APIP: variants seen among roughly 807,000 people sequenced by gnomAD.
APIP encodes APAF1 interacting protein, also known as methylthioribulose-1-phosphate dehydratase.
A neutral mutation model predicts 32.0 loss-of-function variants in APIP; 32 were observed. The observed-to-expected ratio is 1.00, with a 90% CI of 0.76 to 1.34. The LOEUF is 1.34. Ranked by LOEUF, APIP falls within the 40% of genes most tolerant of loss-of-function variation. The pLI is 0.00. For synonymous variants in APIP, 92 were observed against 94.8 expected, an observed-to-expected ratio of 0.97 and a Z score of 0.17; for missense variants, 247 against 298.6, an observed-to-expected ratio of 0.83 and a Z score of 1.27.
chr11:34,892,379 A>G (rs1853198358), intron 2 of APIP, among the ~76,000 whole-genome samples: 1 of 152,180 alleles, frequency 6.6e-6, no homozygotes, highest in African/African-American at 2.4e-5. Flanking sequence ...CCAAACCCCA[A>G]GAGGTCAAAA....
intron 1 of APIP, chr11:34,915,978 T>G (rs1853671806): frequency 1.7e-6 from 1 of 581,402 alleles, no homozygotes; most frequent in South Asian, 2.1e-5. Context: ...AGTTATTTGC[T>G]TCTTTCCAAC....
At chr11:34,913,699 T>A (rs1255688778) in intron 1 of APIP, among the ~76,000 whole-genome samples, 1 of 152,238 alleles carries the variant, frequency 6.6e-6, no homozygotes, top group Non-Finnish European at 1.5e-5. Flanking sequence ...GGGTTGCCGC[T>A]GCTGGCTCTG....
chr11:34,891,431 C>T (rs995406514), intron 2 of APIP, among the ~76,000 whole-genome samples: 1 of 152,164 alleles, frequency 6.6e-6, no homozygotes, highest in Non-Finnish European at 1.5e-5. Context: ...TAATGAGCTA[C>T]TGCATATATG....
At chr11:34,902,153 T>C (rs1853380018) in intron 1 of APIP, among the ~76,000 whole-genome samples, 1 of 152,198 alleles carries the variant, frequency 6.6e-6, no homozygotes, top group Admixed American at 6.5e-5. Flanking sequence ...AGGATGCCTT[T>C]TTCTGCATAC....
intron 1 of APIP, among the ~76,000 whole-genome samples, chr11:34,897,084 T>C (rs59676516): frequency 0.055 from 8,429 of 152,324 alleles, 383 homozygotes; most frequent in African/African-American, 0.12. Flanking sequence ...ATTTAACAGG[T>C]TGAATTCTCA....
At chr11:34,909,227 T>C (rs549111847) in intron 1 of APIP, among the ~76,000 whole-genome samples, 12 of 152,042 alleles carry the variant, frequency 7.9e-5, no homozygotes, top group Non-Finnish European at 1.5e-4. Flanking sequence ...TATCGTTCCC[T>C]GGGATGTGGG....
intron 1 of APIP, among the ~76,000 whole-genome samples, chr11:34,908,913 C>T (rs1853497695): frequency 6.6e-6 from 1 of 151,982 alleles, no homozygotes; most frequent in Admixed American, 6.5e-5. Context: ...AGGGCTTTGA[C>T]CTATATTTCA....
chr11:34,883,450 G>A lies in APIP; in HGVS notation c.516C>T (p.Asp172=). Residue 172 remains aspartate, a synonymous_variant, in exon 6 of 7, where the codon GAC becomes GAT. Coordinates refer to ENST00000395787, the MANE Select transcript of APIP (RefSeq NM_015957.4). The stretch of plus-strand genomic sequence containing the variant: ...TTGCATGAGCCATTCTATCTTTGAG[G>A]TCTTTCTCCTCAGGTGTATTCTCAA... The part of the protein sequence containing the change: ...PIIENTPEEK[D]LKDRMAHAMN... 1 of 1,613,980 alleles carries A rather than the reference G, an allele frequency of 6.2e-7. No homozygotes were observed. Among genetic ancestry groups the A allele is most frequent in the East Asian group, 2.2e-5 (1 of 44,876 alleles).
At chr11:34,887,204 CT>C (rs1219891411) in intron 5 of APIP, among the ~76,000 whole-genome samples, 5 of 26,298 alleles carry the variant, frequency 1.9e-4, no homozygotes, top group Non-Finnish European at 4.6e-4. Context: ...TGCAAAGACT[CT>C]CTCTTATGCC....
intron 2 of APIP, 86 bp downstream of exon 2, chr11:34,894,924 A>G: frequency 8.6e-7 from 1 of 1,165,616 alleles, no homozygotes; most frequent in Non-Finnish European, 1.3e-6. Context: ...ACTGATCATC[A>G]GTTGTTCTTT....
intron 2 of APIP, among the ~76,000 whole-genome samples, chr11:34,891,672 T>C (rs1295363960): frequency 6.6e-6 from 1 of 152,140 alleles, no homozygotes; most frequent in African/African-American, 2.4e-5. Flanking sequence ...AGAAAACAAA[T>C]GTCTGATAAT....
At chr11:34,899,932 C>T (rs1378410280) in intron 1 of APIP, among the ~76,000 whole-genome samples, 1 of 152,250 alleles carries the variant, frequency 6.6e-6, no homozygotes, top group African/African-American at 2.4e-5. Flanking sequence ...AACAGATCAT[C>T]TTTAGCATGT....
At chr11:34,894,181 A>T (rs1468367446) in intron 2 of APIP, among the ~76,000 whole-genome samples, 1 of 152,148 alleles carries the variant, frequency 6.6e-6, no homozygotes, top group African/African-American at 2.4e-5. Context: ...ACAATGAGCA[A>T]TTGAATACTA....
At chr11:34,903,606 T>C (rs956990182) in intron 1 of APIP, among the ~76,000 whole-genome samples, 1 of 152,194 alleles carries the variant, frequency 6.6e-6, no homozygotes, top group African/African-American at 2.4e-5. Context: ...CAGTGATGCA[T>C]TGCAAGGGAC....
chr11:34,907,386 C>T (rs1390861019), intron 1 of APIP, among the ~76,000 whole-genome samples: 2 of 152,132 alleles, frequency 1.3e-5, no homozygotes, highest in Non-Finnish European at 2.9e-5. Flanking sequence ...TACAGGTCTC[C>T]CCTTTCTCTT....
chr11:34,914,364 T>TA (rs1191018328), intron 1 of APIP, among the ~76,000 whole-genome samples: 1 of 152,200 alleles, frequency 6.6e-6, no homozygotes, highest in East Asian at 1.9e-4. Flanking sequence ...ATTAATCACT[T>TA]ACAGTTGAAC....
intron 1 of APIP, among the ~76,000 whole-genome samples, chr11:34,910,838 A>G (rs573480307): frequency 6.6e-5 from 10 of 152,226 alleles, no homozygotes; most frequent in African/African-American, 2.4e-4. Flanking sequence ...AGGCAGTCTG[A>G]TTCTAGATCC....
intron 1 of APIP, 194 bp downstream of exon 1, chr11:34,916,034 C>G (rs892579997): frequency 1.4e-6 from 1 of 695,874 alleles, no homozygotes; most frequent in African/African-American, 1.9e-5. Context: ...CCCGAGACCA[C>G]TGATCTCCTG....
intron 1 of APIP, among the ~76,000 whole-genome samples, chr11:34,911,032 A>G (rs897617458): frequency 2.6e-5 from 4 of 152,150 alleles, no homozygotes; most frequent in African/African-American, 9.7e-5. Context: ...GTAAAAGGAA[A>G]CTCCCCAGAG....
Sources: gnomAD v4.1 joint callset for allele counts (sites outside exome capture counted in the v4.1 genomes callset) on GRCh38, gnomAD v4.1.1 for gene constraint, MANE v1.5 for transcripts, NCBI Gene and HGNC (gene_info 2026-07-23, HGNC 2026-07-21) for gene names.